The following LHFPL6 variants were observed in gnomAD, a reference collection of about 807,000 sequenced individuals.
The protein encoded by LHFPL6 is LHFPL tetraspan subfamily member 6.
In LHFPL6, 9 loss-of-function variants were observed where a neutral mutation model predicts 20.6. The observed-to-expected ratio is 0.44, with a 90% confidence interval of 0.26 to 0.76. LHFPL6 has a LOEUF of 0.76. Ranked by LOEUF, LHFPL6 falls within the 30% of genes least tolerant of loss-of-function variation. The pLI is 0.20. For missense variants in LHFPL6, 218 were observed against 253.5 expected, an observed-to-expected ratio of 0.86 and a Z score of 0.95; for synonymous variants, 105 against 98.7, an observed-to-expected ratio of 1.06 and a Z score of -0.38.
intron 2 of LHFPL6, among the ~76,000 whole-genome samples, chr13:39,585,727 G>A (rs1177927754): frequency 6.6e-6 from 1 of 152,168 alleles, no homozygotes; most frequent in Admixed American, 6.5e-5. Flanking sequence ...CTGCCCACCT[G>A]TTTGCCCAAT....
intron 2 of LHFPL6, among the ~76,000 whole-genome samples, chr13:39,572,288 C>CTCTCTCTG (rs1441566883): frequency 1.4e-5 from 2 of 143,510 alleles, no homozygotes; most frequent in East Asian, 2.1e-4. Flanking sequence ...TTTTTAAACT[C>CTCTCTCTG]TGTGTGTGTG....
intron 2 of LHFPL6, among the ~76,000 whole-genome samples, chr13:39,394,391 G>A (rs1371954770): frequency 2.0e-5 from 3 of 152,124 alleles, no homozygotes; most frequent in South Asian, 4.1e-4. Context: ...TTGAACTTGT[G>A]GGGGGCAAGT....
chr13:39,572,288 CTGTGTGTGTGTGTGTGTGTG>C (rs3222813), intron 2 of LHFPL6, among the ~76,000 whole-genome samples: 1 of 143,406 alleles, frequency 7.0e-6, no homozygotes, highest in African/African-American at 2.6e-5. Context: ...TTTTTAAACT[CTGTGTGTGTGTGTGTGTGTG>C]TGTGTGTGTG....
intron 1 of LHFPL6, among the ~76,000 whole-genome samples, chr13:39,602,225 C>T (rs1211631083): frequency 6.6e-6 from 1 of 152,184 alleles, no homozygotes; most frequent in Non-Finnish European, 1.5e-5. Flanking sequence ...AACCATTTCT[C>T]ACACTTTCCA....
intron 2 of LHFPL6, among the ~76,000 whole-genome samples, chr13:39,441,179 T>C (rs1872121512): frequency 7.4e-6 from 1 of 134,626 alleles, no homozygotes; most frequent in African/African-American, 2.8e-5. Flanking sequence ...AGAAAGGCTC[T>C]CTCTGTTGCT....
rs577294444 is a variant in LHFPL6 at position 39,596,060 on chromosome 13, T to C, written c.385+4772A>G. Among the ~76,000 whole-genome samples, 3 of 152,280 alleles carry C rather than the reference T, an allele frequency of 2.0e-5. No individual in the cohort carries two copies. The South Asian group carries it at 6.2e-4, about 32-fold the overall frequency. ...AAGGTCTTATTTTGAATACTTCATA[T>C]CCAAAATCTTGTGTCTGGTATAAAA... On this transcript the variant is annotated intron_variant, in intron 2 of 3. Coordinates refer to ENST00000379589, the MANE Select transcript of LHFPL6 (RefSeq NM_005780.3).
At chr13:39,372,233 A>T (rs982122210) in intron 3 of LHFPL6, among the ~76,000 whole-genome samples, 2 of 152,218 alleles carry the variant, frequency 1.3e-5, no homozygotes, top group African/African-American at 2.4e-5. Context: ...ATAATAAGAG[A>T]TCTCACACGT....
At chr13:39,461,687 A>G (rs1444745762) in intron 2 of LHFPL6, among the ~76,000 whole-genome samples, 1 of 152,172 alleles carries the variant, frequency 6.6e-6, no homozygotes, top group African/African-American at 2.4e-5. Context: ...ACCTTTAACT[A>G]GTTATACCTG....
intron 2 of LHFPL6, among the ~76,000 whole-genome samples, chr13:39,457,080 G>A (rs1246869469): frequency 3.9e-5 from 6 of 152,210 alleles, no homozygotes; most frequent in South Asian, 2.1e-4. Context: ...GATTATAGAC[G>A]TGAGCCACAG....
At chr13:39,515,162 TTATGG>T (rs2138479531) in intron 2 of LHFPL6, among the ~76,000 whole-genome samples, 1 of 152,280 alleles carries the variant, frequency 6.6e-6, no homozygotes, top group East Asian at 1.9e-4. Flanking sequence ...ATTTTACACT[TTATGG>T]TATTTCTGAC....
chr13:39,480,835 C>A (rs1868485594), intron 2 of LHFPL6, among the ~76,000 whole-genome samples: 1 of 152,100 alleles, frequency 6.6e-6, no homozygotes, highest in Admixed American at 6.6e-5. Context: ...AATTTGAAAT[C>A]ATTTTAAGGT....
At chr13:39,587,157 CAA>C (rs11298810) in intron 2 of LHFPL6, among the ~76,000 whole-genome samples, 42 of 148,094 alleles carry the variant, frequency 2.8e-4, no homozygotes, top group African/African-American at 4.0e-4. Context: ...AACTCCGTCT[CAA>C]AAAAAAAAAA....
intron 2 of LHFPL6, among the ~76,000 whole-genome samples, chr13:39,429,005 T>C (rs966329524): frequency 1.3e-5 from 2 of 152,198 alleles, no homozygotes; most frequent in African/African-American, 4.8e-5. Context: ...ACTTCTAAGT[T>C]AATTCCATTG....
chr13:39,564,433 T>C (rs1030114809), intron 2 of LHFPL6, among the ~76,000 whole-genome samples: 2 of 152,098 alleles, frequency 1.3e-5, no homozygotes, highest in African/African-American at 2.4e-5. Context: ...GAGCAACAAA[T>C]ATGTGCATCT....
chr13:39,514,978 G>C (rs1229323789), intron 2 of LHFPL6, among the ~76,000 whole-genome samples: 5 of 152,164 alleles, frequency 3.3e-5, no homozygotes, highest in Non-Finnish European at 1.5e-5. Context: ...CGCAGGAATA[G>C]ATCAATTCAA....
At chr13:39,589,381 T>C (rs1872540622) in intron 2 of LHFPL6, among the ~76,000 whole-genome samples, 1 of 152,080 alleles carries the variant, frequency 6.6e-6, no homozygotes, top group Non-Finnish European at 1.5e-5. Flanking sequence ...CTGGGATTAA[T>C]TACAGATGTG....
At chr13:39,461,442 C>T (rs1263368357) in intron 2 of LHFPL6, among the ~76,000 whole-genome samples, 1 of 152,198 alleles carries the variant, frequency 6.6e-6, no homozygotes, top group Non-Finnish European at 1.5e-5. Flanking sequence ...GAACTAATCT[C>T]CATTCCCACC....
At chr13:39,424,939 C>T (rs553763273) in intron 2 of LHFPL6, among the ~76,000 whole-genome samples, 3 of 152,166 alleles carry the variant, frequency 2.0e-5, no homozygotes, top group South Asian at 2.1e-4. Flanking sequence ...ATAAATGCCA[C>T]GTATTTGAAA....
chr13:39,369,926 T>C (rs930882015), intron 3 of LHFPL6, among the ~76,000 whole-genome samples: 8 of 152,092 alleles, frequency 5.3e-5, no homozygotes, highest in African/African-American at 1.9e-4. Flanking sequence ...AGTGGGGTCC[T>C]TTTTCCCAAA....
Sources: allele counts gnomAD v4.1 joint callset (sites outside exome capture counted in the v4.1 genomes callset), GRCh38; gene constraint gnomAD v4.1.1; transcripts MANE v1.5; gene names NCBI Gene and HGNC (gene_info 2026-07-23, HGNC 2026-07-21).